Variants in PREPL observed in about 807,000 individuals in gnomAD.
The protein encoded by PREPL is prolyl endopeptidase like, also known as prolyl endopeptidase-like.
In PREPL, 77 loss-of-function variants were observed where a neutral mutation model predicts 70.6. The observed-to-expected ratio is 1.09, with a 90% CI of 0.91 to 1.32. PREPL has a LOEUF of 1.32. PREPL is among the 40% of genes most tolerant of loss of function. The probability of loss-of-function intolerance (pLI) is 0.00; values close to 1 mark genes in which losing one functional copy is unlikely to be tolerated. For missense variants in PREPL, 1,002 were observed against 778.2 expected (o/e 1.29, Z -3.42); for synonymous variants, 315 against 264.8 (o/e 1.19, Z -1.84).
chr2:44,350,460 T>C (rs972509002), intron 1 of PREPL, among the ~76,000 whole-genome samples: 2 of 152,226 alleles, frequency 1.3e-5, no homozygotes, highest in Non-Finnish European at 2.9e-5. Context: ...CTGTCAGTTA[T>C]CTTACACAGA....
chr2:44,334,621 C>T (rs1674449668), intron 7 of PREPL, among the ~76,000 whole-genome samples: 1 of 152,228 alleles, frequency 6.6e-6, no homozygotes, highest in African/African-American at 2.4e-5. Flanking sequence ...TCTCGGCTCA[C>T]TGCAGCCTCC....
intron 8 of PREPL, among the ~76,000 whole-genome samples, chr2:44,331,845 A>G (rs918652203): frequency 6.6e-6 from 1 of 152,198 alleles, no homozygotes; most frequent in African/African-American, 2.4e-5. Context: ...TATTTTTGCC[A>G]TAACTACATA....
At chr2:44,322,019 A>C in intron 12 of PREPL, 119 bp from the exon 13 acceptor site, 1 of 1,036,322 alleles carries the variant, frequency 9.6e-7, no homozygotes, top group East Asian at 2.6e-5. Context: ...AAGGAATAAA[A>C]AGCAAAAACC....
In PREPL at chr2:44,339,324, G is replaced by C. The variant is rs766669617; in HGVS notation, c.525C>G (p.Phe175Leu). Residue 175 changes from phenylalanine to leucine, a missense_variant, in exon 6 of 14, where the codon TTC becomes TTG. Coordinates refer to ENST00000409411, the MANE Select transcript of PREPL (RefSeq NM_001171613.2). The part of the protein sequence containing the change: ...VFLYLTKDSR[F>L]LTINIMNKTT... ...TCTTGTTCATAATATTTATGGTGAG[G>C]AAACGACTGTCTTTTGTAAGATAAA... The C allele has an allele frequency of 2.5e-6, 4 of 1,613,836 alleles. No individual in the cohort carries two copies. The highest frequency in any genetic ancestry group is 1.3e-5 in the African/African-American group (1 of 74,894).
At chr2:44,339,705 T>A (rs577484999) in intron 5 of PREPL, among the ~76,000 whole-genome samples, 1 of 152,184 alleles carries the variant, frequency 6.6e-6, no homozygotes, top group Non-Finnish European at 1.5e-5. Flanking sequence ...CCATCTTTAT[T>A]TGGATGCATT....
chr2:44,329,079 T>A lies in PREPL; in HGVS notation c.1120A>T (p.Lys374Ter). 6.2e-7 allele frequency: 1 copy of A among 1,609,182 alleles called. No homozygotes were observed. Among genetic ancestry groups the A allele is most frequent in the Non-Finnish European group, 8.5e-7 (1 of 1,175,826 alleles). ...TTCTGCAAGTCCTCAGAGTCAGTTTTGTGGAAAACAGTCATTGGCACTAAT... is the reference window on the plus strand; with the variant it reads ...TTCTGCAAGTCCTCAGAGTCAGTTTAGTGGAAAACAGTCATTGGCACTAAT... ...GKLVPMTVFH[K>*]TDSEDLQKKP... is the part of the protein sequence containing the mutation. Residue 374 changes from lysine (K) to a stop codon, truncating the protein, a stop_gained, in exon 9 of 14, where the codon AAA becomes TAA. Coordinates refer to ENST00000409411, the MANE Select transcript of PREPL (RefSeq NM_001171613.2). LOFTEE classifies it high-confidence loss of function.
chr2:44,332,678 T>G (rs757964757), intron 7 of PREPL, 22 bp from the exon 8 acceptor site: 1 of 1,561,062 alleles, frequency 6.4e-7, no homozygotes, highest in South Asian at 1.2e-5. Context: ...CAACAGCTAT[T>G]TTTATTCTTT....
intron 7 of PREPL, among the ~76,000 whole-genome samples, chr2:44,335,131 A>C (rs776751104): frequency 3.9e-5 from 6 of 152,226 alleles, no homozygotes; most frequent in Non-Finnish European, 5.9e-5. Flanking sequence ...AAAAGTCGTA[A>C]TAGGTACTAT....
intron 1 of PREPL, chr2:44,360,793 G>A (rs1006165172): frequency 3.9e-5 from 6 of 152,148 alleles, no homozygotes; most frequent in African/African-American, 1.2e-4. Flanking sequence ...TCAATAAATG[G>A]CAGTTGCTAT....
intron 8 of PREPL, among the ~76,000 whole-genome samples, chr2:44,331,946 CTTTT>C (rs35003986): frequency 1.3e-4 from 16 of 121,666 alleles, no homozygotes; most frequent in Non-Finnish European, 1.6e-4. Flanking sequence ...TATAAATTTT[CTTTT>C]TTTTTTTTTT....
In PREPL at chr2:44,338,492, A is replaced by T. The variant is rs761270066; in HGVS notation, c.747T>A (p.Asp249Glu). 5.6e-6 allele frequency: 9 copies of T among 1,612,596 alleles called. No homozygotes were observed. The African/African-American group carries it at 1.2e-4, about 22-fold the overall frequency. ...AADTPAIMNWDLFFTMKRNTK... is the reference protein window; with the variant it reads ...AADTPAIMNWELFFTMKRNTK... ...TATTTCTCTTCATTGTAAAAAATAA[A>T]TCCCAATTCATAATTGCAGGGGTAT... The change falls in exon 7 of 14, where the codon GAT becomes GAA. Residue 249 changes from aspartate to glutamate, a missense_variant. By Grantham distance (45) the Asp-to-Glu change is conservative (BLOSUM62 2). Transcript: ENST00000409411.
intron 2 of PREPL, among the ~76,000 whole-genome samples, chr2:44,345,129 T>C (rs1180223176): frequency 6.6e-6 from 1 of 152,162 alleles, no homozygotes; most frequent in Admixed American, 6.5e-5. Flanking sequence ...ATTGAGAGAA[T>C]TAATATTACC....
chr2:44,358,188 T>C (rs74785260), intron 1 of PREPL, among the ~76,000 whole-genome samples: 3,796 of 152,288 alleles, frequency 0.025, 179 homozygotes, highest in African/African-American at 0.087. Flanking sequence ...AAACAAAATG[T>C]GGTTTATACA....
At chr2:44,329,540 G>T (rs1673878117) in intron 8 of PREPL, among the ~76,000 whole-genome samples, 1 of 152,046 alleles carries the variant, frequency 6.6e-6, no homozygotes. Context: ...CAAATATGCT[G>T]ACTAAAGTCT....
Position 44,342,516 on chromosome 2 carries a change from A to C in PREPL, c.386T>G (p.Phe129Cys), listed in dbSNP as rs763028081. Residue 129 changes from phenylalanine to cysteine, a missense_variant, in exon 5 of 14, where the codon TTC becomes TGC. Physicochemically the swap from Phe to Cys is radical, Grantham distance 205 (BLOSUM62 -2). Transcript: ENST00000409411. Reference protein sequence around the residue: ...VKDEEDEDVLFYTFQRNLRCH... With the variant: ...VKDEEDEDVLCYTFQRNLRCH... ...GCGAAGGTTCCTCTGGAAGGTGTAGAATAAAACATCTTCATCTTCCTCGTC... is the reference window on the plus strand; with the variant it reads ...GCGAAGGTTCCTCTGGAAGGTGTAGCATAAAACATCTTCATCTTCCTCGTC... 3.7e-6 allele frequency: 6 copies of C among 1,611,824 alleles called. No homozygotes were observed. In the East Asian group the frequency reaches 8.9e-5, roughly 24 times the overall value.
rs1479892218 is a variant in PREPL, at chr2:44,342,408, T to G, written c.485+9A>C. The G allele has an allele frequency of 1.2e-6, 2 of 1,606,788 alleles. No individual in the cohort carries two copies. The highest frequency in any genetic ancestry group is 1.7e-6 in the Non-Finnish European group (2 of 1,176,156). On this transcript the variant is annotated intron_variant, in intron 5 of 13. Transcript: ENST00000409411. The stretch of plus-strand genomic sequence containing the variant: ...TGGAGAGAAAGATTTAATTATATTA[T>G]TCTAGTACCTTGGGTCTTTTTCTGT...
intron 9 of PREPL, 72 bp from the exon 10 acceptor site, chr2:44,327,000 C>T: frequency 7.8e-7 from 1 of 1,276,772 alleles, no homozygotes; most frequent in Non-Finnish European, 1.1e-6. Flanking sequence ...CAGCGAACTA[C>T]ACCTGGAGGC....
Position 44,346,515 on chromosome 2 carries a change from T to G in PREPL, c.-48-125A>C, listed in dbSNP as rs193093559. The G allele has an allele frequency of 9.4e-6, 8 of 851,842 alleles. No individual in the cohort carries two copies. The Admixed American group carries it at 2.2e-4, about 23-fold the overall frequency. The allele number at this position is 851,842 out of a possible 1,614,324, so 52.8% of individuals were successfully genotyped here. The stretch of plus-strand genomic sequence containing the variant: ...ACAAAAAAGAAATAAGATTAAATAG[T>G]AGGTATTTCACAGATTGTAAATGTT... On this transcript the variant is annotated intron_variant, in intron 1 of 13. Coordinates refer to ENST00000409411, the MANE Select transcript of PREPL (RefSeq NM_001171613.2).
Position 44,322,832 on chromosome 2 carries a change from G to A in PREPL, c.1652C>T (p.Thr551Met), listed in dbSNP as rs367925717. 18 of 1,613,328 alleles carry A rather than the reference G, an allele frequency of 1.1e-5. No homozygotes were observed. Among genetic ancestry groups the A allele is most frequent in the East Asian group, 2.2e-5 (1 of 44,880 alleles). Residue 551 changes from threonine (T) to methionine (M), a missense_variant, in exon 12 of 14, where the codon ACG becomes ATG. Transcript: ENST00000409411. ...TACCCGTTCATCGTTTTCATATGCC[G>A]TTATGTGAATTGAAGGATAATGCTG... ...KPQHYPSIHITAYENDERVPL... is the reference protein window; with the variant it reads ...KPQHYPSIHIMAYENDERVPL...
Sources: allele counts gnomAD v4.1 joint callset (sites outside exome capture counted in the v4.1 genomes callset), GRCh38; gene constraint gnomAD v4.1.1; transcripts MANE v1.5; gene names NCBI Gene and HGNC (gene_info 2026-07-23, HGNC 2026-07-21).